The following NCKAP5 variants were observed in gnomAD, a reference collection of about 807,000 sequenced individuals.
NCKAP5 encodes nck-associated protein 5.
Under a neutral mutation model 167.0 loss-of-function variants are expected in NCKAP5, and 92 were observed. The ratio of observed to expected loss-of-function variants is 0.55; its 90% confidence interval spans 0.47 to 0.66. The LOEUF is 0.66. Among genes scored for constraint, NCKAP5 ranks in the 30% least tolerant of loss-of-function variants. The pLI, the probability that NCKAP5 is intolerant of heterozygous loss-of-function variation, is 0.00. For synonymous variants in NCKAP5, 891 were observed against 877.4 expected, an observed-to-expected ratio of 1.02 and a Z score of -0.27; for missense variants, 2,378 against 2,315.0, an observed-to-expected ratio of 1.03 and a Z score of -0.56.
At chr2:132,893,829 A>G (rs1379355551) in intron 8 of NCKAP5, among the ~76,000 whole-genome samples, 3 of 152,184 alleles carry the variant, frequency 2.0e-5, no homozygotes, top group Non-Finnish European at 2.9e-5. Context: ...TTTTTTAATT[A>G]TAAATATACA....
At chr2:133,242,827 A>G (rs1448661692) in intron 4 of NCKAP5, among the ~76,000 whole-genome samples, 1 of 152,192 alleles carries the variant, frequency 6.6e-6, no homozygotes, top group Non-Finnish European at 1.5e-5. Context: ...CTTGCAGGGC[A>G]CTACCGGGAA....
chr2:132,809,127 G>C (rs1374262102), intron 11 of NCKAP5, among the ~76,000 whole-genome samples: 2 of 152,134 alleles, frequency 1.3e-5, no homozygotes, highest in Admixed American at 6.5e-5. Context: ...TGTGGTCTGA[G>C]AGAGTGCTTG....
At chr2:133,306,152 T>C (rs61334934) in intron 3 of NCKAP5, among the ~76,000 whole-genome samples, 27,861 of 152,218 alleles carry the variant, frequency 0.18, 3,566 homozygotes, top group African/African-American at 0.36. Flanking sequence ...GGTGGTAGCA[T>C]TGGGGCTGGC....
intron 19 of NCKAP5, among the ~76,000 whole-genome samples, chr2:132,682,531 GA>G (rs1477611681): frequency 6.6e-6 from 1 of 152,296 alleles, no homozygotes; most frequent in Non-Finnish European, 1.5e-5. Context: ...TTTTTAATAT[GA>G]AGCAAATATG....
chr2:133,055,450 G>A (rs751441271), intron 6 of NCKAP5, among the ~76,000 whole-genome samples: 23 of 143,830 alleles, frequency 1.6e-4, no homozygotes, highest in Non-Finnish European at 3.0e-4. Flanking sequence ...GGTGTGCTGC[G>A]AGATATCAGT....
intron 3 of NCKAP5, among the ~76,000 whole-genome samples, chr2:133,508,786 C>A (rs1223013184): frequency 6.6e-6 from 1 of 152,188 alleles, no homozygotes. Context: ...GATGGTGAGA[C>A]AACAGGAGAA....
At chr2:133,598,183 G>T in the NCKAP5 span, among the ~76,000 whole-genome samples, 1 of 152,194 alleles carries the variant, frequency 6.6e-6, no homozygotes, top group Non-Finnish European at 1.5e-5. Flanking sequence ...TCAGATTGCT[G>T]TGAGGATTAA....
At chr2:132,756,605 T>TA (rs528675057) in intron 16 of NCKAP5, among the ~76,000 whole-genome samples, 54 of 151,888 alleles carry the variant, frequency 3.6e-4, no homozygotes, top group African/African-American at 9.9e-4. Flanking sequence ...TAAGTTCTTT[T>TA]AAAAAAAAAT....
intron 19 of NCKAP5, among the ~76,000 whole-genome samples, chr2:132,703,943 C>T (rs1408081931): frequency 1.3e-5 from 2 of 152,106 alleles, no homozygotes; most frequent in Admixed American, 1.3e-4. Flanking sequence ...TTCTGATGTG[C>T]CAGTTAAAAA....
chr2:132,694,466 C>T (rs1313146529), intron 19 of NCKAP5, among the ~76,000 whole-genome samples: 1 of 115,008 alleles, frequency 8.7e-6, no homozygotes, highest in Non-Finnish European at 2.1e-5. Context: ...GTGTACTTGG[C>T]CCAAAACTTT....
At chr2:133,210,990 C>A (rs1253610984) in intron 5 of NCKAP5, among the ~76,000 whole-genome samples, 1 of 150,652 alleles carries the variant, frequency 6.6e-6, no homozygotes, top group Admixed American at 6.6e-5. Flanking sequence ...TTCCCCCAAC[C>A]CTCCCTACCC....
At chr2:132,678,183 G>A (rs952440450) in intron 19 of NCKAP5, among the ~76,000 whole-genome samples, 5 of 152,010 alleles carry the variant, frequency 3.3e-5, no homozygotes, top group Non-Finnish European at 7.4e-5. Flanking sequence ...TATGCATGAT[G>A]GTATCAGCTT....
intron 3 of NCKAP5, 95 bp downstream of exon 3, chr2:133,517,362 AG>A (rs767365168): frequency 4.7e-5 from 25 of 537,102 alleles, no homozygotes; most frequent in South Asian, 3.8e-4. Context: ...ACTGGAAGAG[AG>A]GTTTCAAAAG....
the NCKAP5 span, among the ~76,000 whole-genome samples, chr2:133,664,790 AC>A: frequency 6.6e-6 from 1 of 152,052 alleles, no homozygotes; most frequent in Non-Finnish European, 1.5e-5. Context: ...GAGCCACCGC[AC>A]CCAGCCGAAA....
intron 3 of NCKAP5, among the ~76,000 whole-genome samples, chr2:133,384,591 A>G (rs1686790673): frequency 6.6e-6 from 1 of 152,230 alleles, no homozygotes; most frequent in Non-Finnish European, 1.5e-5. Flanking sequence ...AATTCTGTGA[A>G]GAAAGGCATT....
intron 2 of NCKAP5, among the ~76,000 whole-genome samples, chr2:133,549,268 A>G (rs1687053577): frequency 6.6e-6 from 1 of 152,154 alleles, no homozygotes; most frequent in African/African-American, 2.4e-5. Context: ...AGACTCCCAC[A>G]CATTAATAAT....
Position 132,992,259 on chromosome 2 carries a change from G to A in NCKAP5, c.429+1893C>T, listed in dbSNP as rs143020328. 7.2e-4 allele frequency among the ~76,000 whole-genome samples: 109 copies of A among 152,294 alleles called. 2 individuals are homozygous for A. The highest frequency in any genetic ancestry group is 2.3e-3 in the African/African-American group (94 of 41,562). On this transcript the variant is annotated intron_variant, in intron 7 of 19. Coordinates refer to ENST00000409261, the MANE Select transcript of NCKAP5 (RefSeq NM_207363.3). Reference sequence around the variant, plus strand: ...TCATTTCCCAAAACGAATAGACTGGGTTATGGAGAGGTAATAGTTTTAAAA... The same window carrying A: ...TCATTTCCCAAAACGAATAGACTGGATTATGGAGAGGTAATAGTTTTAAAA...
intron 3 of NCKAP5, among the ~76,000 whole-genome samples, chr2:133,428,600 C>A (rs986652981): frequency 5.9e-5 from 9 of 151,952 alleles, no homozygotes; most frequent in African/African-American, 2.2e-4. Flanking sequence ...AACTCAGAAG[C>A]CATAAAGGGA....
intron 6 of NCKAP5, among the ~76,000 whole-genome samples, chr2:133,041,384 G>T (rs1389520380): frequency 6.6e-6 from 1 of 152,132 alleles, no homozygotes; most frequent in Non-Finnish European, 1.5e-5. Flanking sequence ...TTAGAATTCT[G>T]ATGATGTTAA....
Sources: allele counts gnomAD v4.1 joint callset (sites outside exome capture counted in the v4.1 genomes callset), GRCh38; gene constraint gnomAD v4.1.1; transcripts MANE v1.5; gene names NCBI Gene and HGNC (gene_info 2026-07-23, HGNC 2026-07-21).